The following IKZF2 variants were observed in gnomAD, a reference collection of about 807,000 sequenced individuals.
IKZF2 encodes the protein zinc finger protein Helios.
IKZF2 carries 15 observed loss-of-function variants against 49.2 expected under a neutral mutation model. That is an observed-to-expected ratio of 0.30 (90% CI 0.20 to 0.47). The LOEUF (loss-of-function observed/expected upper bound fraction) is 0.47. Ranked by LOEUF, IKZF2 falls within the 20% of genes least tolerant of loss-of-function variation. IKZF2 has a pLI of 1.00. For synonymous variants in IKZF2, 227 were observed against 221.4 expected (o/e 1.03, Z -0.23); for missense variants, 567 against 664.6 (o/e 0.85, Z 1.61).
chr2:213,085,592 T>C (rs996650647), intron 4 of IKZF2, among the ~76,000 whole-genome samples: 3 of 152,132 alleles, frequency 2.0e-5, no homozygotes, highest in African/African-American at 7.2e-5. Context: ...CATGGTGTAA[T>C]AAAAGAATGA....
At chr2:213,145,188 AT>A (rs145580202) in intron 4 of IKZF2, among the ~76,000 whole-genome samples, 1,960 of 150,958 alleles carry the variant, frequency 0.013, 38 homozygotes, top group African/African-American at 0.046. Flanking sequence ...AAAAAAAAAA[AT>A]TTACTTATTT....
rs890874142 is a variant in IKZF2, at chr2:213,007,101, C to A, written c.*259G>T. On this transcript the variant is annotated 3_prime_UTR_variant, in exon 9 of 9. Transcript: ENST00000434687. ...CATGATATGCCTTGGTAGAAATGGA[C>A]TGCTCTTAAATTCCCACAAAATAAA... The A allele has an allele frequency of 1.4e-5, 5 of 361,686 alleles. No homozygotes were observed. The highest frequency in any genetic ancestry group is 1.0e-4 in the African/African-American group (5 of 47,896). 22.4% of individuals were successfully genotyped at this position (361,686 alleles called of 1,614,324 possible).
At chr2:213,029,930 C>T (rs890859718) in intron 6 of IKZF2, among the ~76,000 whole-genome samples, 18 of 152,172 alleles carry the variant, frequency 1.2e-4, no homozygotes, top group African/African-American at 4.1e-4. Context: ...TTTACACTTG[C>T]ATTAGTGAAA....
chr2:213,079,606 CA>C (rs980028044), intron 4 of IKZF2, among the ~76,000 whole-genome samples: 7 of 151,572 alleles, frequency 4.6e-5, no homozygotes, highest in Non-Finnish European at 5.9e-5. Context: ...ATCTATAAAC[CA>C]TCTCCATAAA....
intron 4 of IKZF2, among the ~76,000 whole-genome samples, chr2:213,109,949 T>A (rs944076951): frequency 6.6e-6 from 1 of 152,008 alleles, no homozygotes; most frequent in African/African-American, 2.4e-5. Flanking sequence ...GAAACAAAGA[T>A]ATAAAATGCA....
chr2:213,064,546 C>T (rs182171012), intron 4 of IKZF2, among the ~76,000 whole-genome samples: 1 of 152,128 alleles, frequency 6.6e-6, no homozygotes, highest in Non-Finnish European at 1.5e-5. Context: ...ACAGTAGCAC[C>T]ATTGTGGCCC....
At chr2:213,014,214 T>G in intron 7 of IKZF2, 1 of 216,362 alleles carries the variant, frequency 4.6e-6, no homozygotes, top group Non-Finnish European at 9.2e-6. Flanking sequence ...TCTCATCTTA[T>G]TCCCCTGAAA....
intron 4 of IKZF2, among the ~76,000 whole-genome samples, chr2:213,087,472 A>T (rs559602209): frequency 2.6e-5 from 4 of 152,298 alleles, no homozygotes; most frequent in South Asian, 2.1e-4. Flanking sequence ...TATACTACAC[A>T]TGTGAAATGA....
At chr2:213,042,419 G>A (rs1442556109) in intron 6 of IKZF2, among the ~76,000 whole-genome samples, 1 of 152,146 alleles carries the variant, frequency 6.6e-6, no homozygotes, top group Non-Finnish European at 1.5e-5. Flanking sequence ...GAGCTCATAC[G>A]TTCTTCTTTG....
chr2:213,059,683 T>A (rs1701497352), intron 4 of IKZF2, among the ~76,000 whole-genome samples: 1 of 151,390 alleles, frequency 6.6e-6, no homozygotes, highest in Non-Finnish European at 1.5e-5. Context: ...AAACTATGAG[T>A]CTTTTAAATT....
rs1239136387 is a variant in IKZF2 at position 213,000,638 on chromosome 2, C to T, written c.*6722G>A. On this transcript the variant is annotated 3_prime_UTR_variant, in exon 9 of 9. Transcript: ENST00000434687. ...ATATAAATATGTATAAGAAAAATAC[C>T]TCTTACTTAAATTTGTATGAAAACA... is the stretch of plus-strand genomic sequence containing the variant. 6.6e-6 allele frequency: 1 copy of T among 150,940 alleles called. No homozygotes were observed. Among genetic ancestry groups the T allele is most frequent in the Non-Finnish European group, 1.5e-5 (1 of 67,324 alleles). The allele number at this position is 150,940 out of a possible 1,614,324, so 9.4% of individuals were successfully genotyped here. A position where few individuals can be genotyped will look rare whatever the true frequency, so the allele number is the denominator to read the frequency against.
At chr2:213,075,605 A>G (rs1703166195) in intron 4 of IKZF2, among the ~76,000 whole-genome samples, 1 of 152,150 alleles carries the variant, frequency 6.6e-6, no homozygotes, top group African/African-American at 2.4e-5. Flanking sequence ...TACAAGTATT[A>G]ATTTTCTGAG....
chr2:213,113,498 G>C (rs527783333), intron 4 of IKZF2, among the ~76,000 whole-genome samples: 86 of 152,084 alleles, frequency 5.7e-4, no homozygotes, highest in African/African-American at 2.0e-3. Context: ...AAGCTTGCTG[G>C]GATTTATCCA....
Position 213,056,948 on chromosome 2 carries a change from C to G in IKZF2, c.291G>C (p.Gln97His), listed in dbSNP as rs1396287948. 6.2e-7 allele frequency: 1 copy of G among 1,613,794 alleles called. No individual in the cohort carries two copies. Residue 97 changes from glutamine to histidine, a missense_variant, in exon 5 of 9, where the codon CAG becomes CAC. Coordinates refer to ENST00000434687, the MANE Select transcript of IKZF2 (RefSeq NM_001387220.1). ...SSEVADNRKV[Q>H]ELQGEGGIRL... ...GGATTCCTCCCTCGCCTTGAAGCTCCTGGACTTTCCTGTTGTCAGCCACCT... is the reference window on the plus strand; with the variant it reads ...GGATTCCTCCCTCGCCTTGAAGCTCGTGGACTTTCCTGTTGTCAGCCACCT...
chr2:213,030,812 C>CTTTTTTTTTTTTTTTTTT (rs918257825), intron 6 of IKZF2, among the ~76,000 whole-genome samples: 1 of 133,708 alleles, frequency 7.5e-6, no homozygotes, highest in Non-Finnish European at 1.6e-5. Context: ...TACTATTTTT[C>CTTTTTTTTTTTTTTTTTT]TTTTTTTTTT....
chr2:213,072,724 T>G (rs1209255275), intron 4 of IKZF2, among the ~76,000 whole-genome samples: 1 of 152,164 alleles, frequency 6.6e-6, no homozygotes, highest in East Asian at 1.9e-4. Context: ...CATTAAACTT[T>G]ATATTTTTCT....
At chr2:213,053,853 T>C (rs1278840191) in intron 5 of IKZF2, among the ~76,000 whole-genome samples, 1 of 152,174 alleles carries the variant, frequency 6.6e-6, no homozygotes, top group Non-Finnish European at 1.5e-5. Flanking sequence ...ACACTGCAAT[T>C]GGTACTTTAG....
chr2:213,014,810 G>C (rs1559164012), intron 7 of IKZF2: 1 of 151,960 alleles, frequency 6.6e-6, no homozygotes, highest in Non-Finnish European at 1.5e-5. Context: ...ACTCAGACAA[G>C]GCGAATCAGT....
At chr2:213,015,854 T>G (rs144837458) in intron 7 of IKZF2, among the ~76,000 whole-genome samples, 160 of 152,192 alleles carry the variant, frequency 1.1e-3, no homozygotes, top group African/African-American at 3.4e-3. Context: ...AAATTAAATA[T>G]GCTAATTTGT....
Sources: gnomAD v4.1 joint callset for allele counts (sites outside exome capture counted in the v4.1 genomes callset) on GRCh38, gnomAD v4.1.1 for gene constraint, MANE v1.5 for transcripts, NCBI Gene and HGNC (gene_info 2026-07-23, HGNC 2026-07-21) for gene names.